The following KLHL2 variants were observed in gnomAD, a reference collection of about 807,000 sequenced individuals.
The protein encoded by KLHL2 is kelch like family member 2.
In KLHL2, 15 loss-of-function variants were observed where a neutral mutation model predicts 75.8. The observed-to-expected ratio is 0.20, with a 90% CI of 0.13 to 0.30. The LOEUF is 0.30. KLHL2 is among the 10% of genes least tolerant of loss of function. The pLI is 1.00. For synonymous variants in KLHL2, 214 were observed against 251.9 expected, an observed-to-expected ratio of 0.85 and a Z score of 1.42; for missense variants, 381 against 741.0, an observed-to-expected ratio of 0.51 and a Z score of 5.64.
At chr4:165,248,869 C>G (rs10213277) in intron 4 of KLHL2, among the ~76,000 whole-genome samples, 2 of 151,950 alleles carry the variant, frequency 1.3e-5, no homozygotes, top group South Asian at 4.1e-4. Flanking sequence ...GTTTCATGAA[C>G]AGTAGAGATG....
intron 2 of KLHL2, among the ~76,000 whole-genome samples, chr4:165,220,405 T>G (rs182046562): frequency 1.2e-4 from 19 of 152,248 alleles, no homozygotes; most frequent in African/African-American, 4.1e-4. Context: ...AATGATAATA[T>G]ACTAGATATT....
intron 1 of KLHL2, among the ~76,000 whole-genome samples, chr4:165,211,765 G>A (rs1414269734): frequency 6.6e-6 from 1 of 152,194 alleles, no homozygotes; most frequent in South Asian, 2.1e-4. Flanking sequence ...TTGGGAACTT[G>A]AGAAGTGAAT....
chr4:165,252,693 A>T (rs1016034522), intron 4 of KLHL2: 2 of 146,954 alleles, frequency 1.4e-5, no homozygotes, highest in Non-Finnish European at 2.9e-5. Context: ...ACTGACATGG[A>T]TGCACAAGCT....
intron 13 of KLHL2, among the ~76,000 whole-genome samples, chr4:165,316,254 A>G (rs1424437765): frequency 6.6e-6 from 1 of 152,110 alleles, no homozygotes; most frequent in Non-Finnish European, 1.5e-5. Flanking sequence ...TGATTGGGAA[A>G]ACTCTTTAGA....
At chr4:165,263,067 T>C in intron 4 of KLHL2, 130 bp from the exon 5 acceptor site, 2 of 653,398 alleles carry the variant, frequency 3.1e-6, no homozygotes, top group Non-Finnish European at 5.2e-6. Context: ...ATATTTGTTT[T>C]CTAGGGAATA....
chr4:165,294,449 C>G lies in KLHL2; in HGVS notation c.635C>G (p.Thr212Ser). 6.3e-7 allele frequency: 1 copy of G among 1,592,100 alleles called. No individual in the cohort carries two copies. The highest frequency in any genetic ancestry group is 1.1e-5 in the South Asian group (1 of 90,472). Residue 212 changes from threonine to serine, a missense_variant, in exon 6 of 15, where the codon ACC becomes AGC. Thr to Ser is a moderately conservative substitution (Grantham distance 58). This residue lies in a region of KLHL2 where 111 missense variants were observed against 150.1 expected (regional missense o/e 0.74). Coordinates refer to ENST00000226725, the MANE Select transcript of KLHL2 (RefSeq NM_007246.4). The part of the protein sequence containing the change: ...VCSLISSDKL[T>S]ISSEEKVFEA... ...AGCTTAATCTCAAGTGACAAACTTACCATTTCTTCAGAAGAGAAGGTAAGG... is the reference window on the plus strand; with the variant it reads ...AGCTTAATCTCAAGTGACAAACTTAGCATTTCTTCAGAAGAGAAGGTAAGG...
intron 5 of KLHL2, among the ~76,000 whole-genome samples, chr4:165,292,564 C>T (rs919289720): frequency 6.6e-6 from 1 of 152,010 alleles, no homozygotes; most frequent in Non-Finnish European, 1.5e-5. Context: ...GACTCCTGAC[C>T]TCAGGTCATC....
intron 5 of KLHL2, among the ~76,000 whole-genome samples, chr4:165,268,064 A>G (rs1209355803): frequency 6.6e-6 from 1 of 152,082 alleles, no homozygotes; most frequent in African/African-American, 2.4e-5. Flanking sequence ...CCAGGAATTT[A>G]TCCATTTCTT....
At chr4:165,210,087 A>G in intron 1 of KLHL2, 4 of 1,551,576 alleles carry the variant, frequency 2.6e-6, no homozygotes, top group Non-Finnish European at 3.5e-6. Flanking sequence ...TCATGAAGTT[A>G]GATTTTTAGC....
At chr4:165,256,549 G>T (rs1482890545) in intron 4 of KLHL2, among the ~76,000 whole-genome samples, 1 of 152,158 alleles carries the variant, frequency 6.6e-6, no homozygotes, top group Non-Finnish European at 1.5e-5. Context: ...GCAATCTCTA[G>T]TGAGTGGTGG....
In KLHL2 at chr4:165,313,288, A is replaced by G. The variant is rs1217052832; in HGVS notation, c.1390A>G (p.Ser464Gly). The change falls in exon 12 of 15, where the codon AGC (serine) becomes GGC (glycine). Residue 464 changes from serine to glycine, a missense_variant. Coordinates refer to ENST00000226725, the MANE Select transcript of KLHL2 (RefSeq NM_007246.4). ...TGATGGAGCATCACGTCAGTGTCTT[A>G]GCACAGTAGAATGCTATAATGCTAC... ...GYDGASRQCL[S>G]TVECYNATTN... 1 of 1,606,486 alleles carries G rather than the reference A, an allele frequency of 6.2e-7. No individual in the cohort carries two copies. Among genetic ancestry groups the G allele is most frequent in the African/African-American group, 1.3e-5 (1 of 74,204 alleles).
chr4:165,317,916 C>T lies in KLHL2; in HGVS notation c.1700C>T (p.Thr567Ile). Reference protein sequence around the residue: ...LASVEYYNPTTDKWTVVSSCM... With the variant: ...LASVEYYNPTIDKWTVVSSCM... ...TCAGTAGAATATTATAACCCAACAA[C>T]CGATAAATGGACAGTTGTGTCATCG... The change falls in exon 14 of 15, where the codon ACC becomes ATC. Residue 567 changes from threonine (T) to isoleucine (I), a missense_variant. This residue lies in a region of KLHL2 where 168 missense variants were observed against 370.4 expected (regional missense o/e 0.45). Transcript: ENST00000226725. The T allele has an allele frequency of 6.2e-7, 1 of 1,613,882 alleles. No homozygotes were observed. Among genetic ancestry groups the T allele is most frequent in the Non-Finnish European group, 8.5e-7 (1 of 1,179,874 alleles).
At chr4:165,293,424 T>G (rs1406862328) in intron 5 of KLHL2, among the ~76,000 whole-genome samples, 2 of 152,096 alleles carry the variant, frequency 1.3e-5, no homozygotes, top group Non-Finnish European at 2.9e-5. Flanking sequence ...AGGCATAAAA[T>G]CCTGGAATTT....
chr4:165,296,828 G>C (rs72701608), intron 6 of KLHL2, among the ~76,000 whole-genome samples: 37,253 of 151,962 alleles, frequency 0.25, 5,214 homozygotes, highest in Middle Eastern at 0.34. Flanking sequence ...AATTAAAGAG[G>C]GGTGTTAATT....
At position 165,305,488 on chromosome 4, in the gene KLHL2, C is replaced by A. The variant is rs943121278; in HGVS notation, c.922-120C>A. ...GGTTAGGTGGTTAGATGTTTGTATT[C>A]GCCAGCTCACCCTATCATCTTCATC... is the stretch of plus-strand genomic sequence containing the variant. On this transcript the variant is annotated intron_variant, in intron 8 of 14. Coordinates refer to ENST00000226725, the MANE Select transcript of KLHL2 (RefSeq NM_007246.4). 3 of 761,672 alleles carry A rather than the reference C, an allele frequency of 3.9e-6. No individual in the cohort carries two copies. The African/African-American group carries it at 5.2e-5, about 13-fold the overall frequency. 47.2% of individuals were successfully genotyped at this position (761,672 alleles called of 1,614,324 possible).
chr4:165,291,833 A>ATT (rs1027792832), intron 5 of KLHL2, among the ~76,000 whole-genome samples: 1 of 147,886 alleles, frequency 6.8e-6, no homozygotes. Flanking sequence ...TTTATTTTTA[A>ATT]TTTTTTTTTT....
chr4:165,212,719 T>C (rs1240030823), intron 1 of KLHL2, among the ~76,000 whole-genome samples: 6 of 152,226 alleles, frequency 3.9e-5, no homozygotes, highest in Non-Finnish European at 8.8e-5. Context: ...TTTAAGTTAC[T>C]CTCTCAAGCT....
At chr4:165,306,817 C>T (rs944325798) in intron 9 of KLHL2, among the ~76,000 whole-genome samples, 6 of 152,210 alleles carry the variant, frequency 3.9e-5, no homozygotes, top group Middle Eastern at 3.4e-3. Flanking sequence ...AGTGTGAATA[C>T]TTATTTGTAT....
chr4:165,248,868 ACAG>A, intron 4 of KLHL2, among the ~76,000 whole-genome samples: 1 of 152,226 alleles, frequency 6.6e-6, no homozygotes, highest in Non-Finnish European at 1.5e-5. Flanking sequence ...AGTTTCATGA[ACAG>A]TAGAGATGTA....
Sources: gnomAD v4.1 joint callset for allele counts (sites outside exome capture counted in the v4.1 genomes callset) on GRCh38, gnomAD v4.1.1 for gene constraint, gnomAD v4.1.1 regional missense constraint, MANE v1.5 for transcripts, NCBI Gene and HGNC (gene_info 2026-07-23, HGNC 2026-07-21) for gene names.